The following LINGO2 variants were observed in gnomAD, a reference collection of about 807,000 sequenced individuals.
The protein encoded by LINGO2 is leucine rich repeat and Ig domain containing 2.
A neutral mutation model predicts 30.6 loss-of-function variants in LINGO2; 14 were observed. The ratio of observed to expected loss-of-function variants is 0.46; its 90% CI spans 0.30 to 0.72. LINGO2 has a LOEUF of 0.72. LINGO2 is among the 30% of genes least tolerant of loss of function. The pLI is 0.07. For synonymous variants in LINGO2, 317 were observed against 288.5 expected (o/e 1.10, Z -1.00); for missense variants, 729 against 751.7 (o/e 0.97, Z 0.35).
chr9:28,626,227 T>C (rs1826667758), intron 1 of LINGO2, among the ~76,000 whole-genome samples: 3 of 152,160 alleles, frequency 2.0e-5, no homozygotes, highest in Admixed American at 1.3e-4. Context: ...TTGTATGAAA[T>C]GAATATCCAA....
intron 2 of LINGO2, among the ~76,000 whole-genome samples, chr9:28,386,088 T>C (rs1753420395): frequency 6.6e-6 from 1 of 152,156 alleles, no homozygotes; most frequent in Non-Finnish European, 1.5e-5. Context: ...TAACACAACA[T>C]CGATGACTTA....
At chr9:28,578,254 C>T (rs1032569576) in intron 1 of LINGO2, among the ~76,000 whole-genome samples, 1 of 152,100 alleles carries the variant, frequency 6.6e-6, no homozygotes, top group Non-Finnish European at 1.5e-5. Context: ...TCTGAAATGG[C>T]TCTAGACTGC....
the LINGO2 span, among the ~76,000 whole-genome samples, chr9:28,716,737 C>A: frequency 6.6e-6 from 1 of 152,002 alleles, no homozygotes; most frequent in African/African-American, 2.4e-5. Context: ...ATTTAATAAT[C>A]ATTTTCAAGA....
At chr9:28,218,941 G>C (rs1025216254) in intron 4 of LINGO2, among the ~76,000 whole-genome samples, 2 of 152,150 alleles carry the variant, frequency 1.3e-5, no homozygotes, top group African/African-American at 4.8e-5. Flanking sequence ...AATTTTCTGA[G>C]ACTATAATTT....
chr9:29,067,513 T>C, the LINGO2 span, among the ~76,000 whole-genome samples: 1 of 151,674 alleles, frequency 6.6e-6, no homozygotes, highest in African/African-American at 2.4e-5. Context: ...TCAACATAAT[T>C]TGGATCAATA....
chr9:29,148,768 G>A, the LINGO2 span, among the ~76,000 whole-genome samples: 2 of 152,042 alleles, frequency 1.3e-5, no homozygotes, highest in African/African-American at 4.8e-5. Context: ...CTATTATGAT[G>A]TTTGGAGGGA....
At chr9:29,191,871 G>A in the LINGO2 span, among the ~76,000 whole-genome samples, 52,562 of 151,812 alleles carry the variant, frequency 0.35, 10,870 homozygotes, top group Admixed American at 0.49. Context: ...TTTTTCTTAC[G>A]AACCTGATCA....
intron 4 of LINGO2, among the ~76,000 whole-genome samples, chr9:28,191,452 C>A (rs1342447766): frequency 6.6e-6 from 1 of 152,098 alleles, no homozygotes; most frequent in Non-Finnish European, 1.5e-5. Flanking sequence ...ACACAATCAA[C>A]TTTCATTTTT....
chr9:28,667,242 C>T lies in LINGO2; in HGVS notation c.-365+2958G>A, dbSNP rs79167797. On this transcript the variant is annotated intron_variant, in intron 1 of 5. Transcript: ENST00000379992. ...TTTTCACAGTTTTTTCTCACTTTAACTAAACCCATGTAATATTATTTTTAA... is the reference window on the plus strand; with the variant it reads ...TTTTCACAGTTTTTTCTCACTTTAATTAAACCCATGTAATATTATTTTTAA... Among the ~76,000 whole-genome samples the T allele has an allele frequency of 1.5e-4, 23 of 152,158 alleles. No homozygotes were observed. The East Asian group carries it at 2.5e-3, about 17-fold the overall frequency.
At chr9:28,957,902 T>C in the LINGO2 span, among the ~76,000 whole-genome samples, 2 of 152,208 alleles carry the variant, frequency 1.3e-5, no homozygotes, top group Admixed American at 1.3e-4. Context: ...CTAATTTCTT[T>C]ACTTATAGCA....
the LINGO2 span, among the ~76,000 whole-genome samples, chr9:28,919,544 G>A: frequency 6.6e-6 from 1 of 152,050 alleles, no homozygotes; most frequent in African/African-American, 2.4e-5. Context: ...AAAACAGCCA[G>A]ACTCATGTAT....
the LINGO2 span, among the ~76,000 whole-genome samples, chr9:28,806,549 A>G: frequency 0.03 from 4,544 of 152,290 alleles, 229 homozygotes; most frequent in African/African-American, 0.099. Flanking sequence ...CTCCTATAAT[A>G]GAATGAATGC....
the LINGO2 span, among the ~76,000 whole-genome samples, chr9:28,880,982 T>G: frequency 6.6e-6 from 1 of 152,108 alleles, no homozygotes; most frequent in African/African-American, 2.4e-5. Context: ...CTTCTCCTTA[T>G]TATCACCCTG....
chr9:29,131,074 C>A, the LINGO2 span, among the ~76,000 whole-genome samples: 1 of 152,074 alleles, frequency 6.6e-6, no homozygotes, highest in Non-Finnish European at 1.5e-5. Context: ...TAATAGTAGC[C>A]ATTTTTAAAG....
At chr9:28,951,784 A>G in the LINGO2 span, among the ~76,000 whole-genome samples, 1 of 152,132 alleles carries the variant, frequency 6.6e-6, no homozygotes, top group Admixed American at 6.6e-5. Flanking sequence ...CTCTCTCTGT[A>G]TAACTTCAGG....
intron 2 of LINGO2, among the ~76,000 whole-genome samples, chr9:28,419,477 G>A (rs977605972): frequency 2.0e-4 from 30 of 152,012 alleles, no homozygotes; most frequent in Admixed American, 1.8e-3. Flanking sequence ...ATAAAGGTAA[G>A]ACTGTTCATA....
intron 4 of LINGO2, among the ~76,000 whole-genome samples, chr9:28,076,811 A>G (rs1825636888): frequency 6.6e-6 from 1 of 152,148 alleles, no homozygotes; most frequent in African/African-American, 2.4e-5. Flanking sequence ...TTGTTGGTGA[A>G]AAGTTACCTG....
intron 1 of LINGO2, among the ~76,000 whole-genome samples, chr9:28,657,100 TC>T: frequency 6.6e-6 from 1 of 150,966 alleles, no homozygotes; most frequent in South Asian, 2.1e-4. Flanking sequence ...ACTAAATCAC[TC>T]CAGATTCTTG....
the LINGO2 span, among the ~76,000 whole-genome samples, chr9:28,758,751 C>T: frequency 2.0e-5 from 3 of 152,092 alleles, no homozygotes; most frequent in African/African-American, 7.2e-5. Context: ...TAATTAAATG[C>T]TGTATTTATT....
Sources: allele counts gnomAD v4.1 joint callset (sites outside exome capture counted in the v4.1 genomes callset), GRCh38; gene constraint gnomAD v4.1.1; transcripts MANE v1.5; gene names NCBI Gene and HGNC (gene_info 2026-07-23, HGNC 2026-07-21).